The following EIF4B variants were observed in gnomAD, a reference collection of about 807,000 sequenced individuals.
EIF4B encodes the protein eukaryotic translation initiation factor 4B.
A neutral mutation model predicts 79.3 loss-of-function variants in EIF4B; 8 were observed. The ratio of observed to expected loss-of-function variants is 0.10; its 90% CI spans 0.06 to 0.18. The LOEUF is 0.18. Ranked by LOEUF, EIF4B falls within the 10% of genes least tolerant of loss-of-function variation. The pLI is 1.00. For synonymous variants in EIF4B, 238 were observed against 274.7 expected, an observed-to-expected ratio of 0.87 and a Z score of 1.32; for missense variants, 515 against 792.4, an observed-to-expected ratio of 0.65 and a Z score of 4.20.
chr12:53,028,265 C>G, intron 8 of EIF4B, 77 bp downstream of exon 8: 3 of 1,500,012 alleles, frequency 2.0e-6, no homozygotes, highest in Non-Finnish European at 2.7e-6. Context: ...GTGTTACGAA[C>G]TACTGAGTTG....
chr12:53,015,095 G>A (rs1247194073), intron 1 of EIF4B, among the ~76,000 whole-genome samples: 1 of 152,202 alleles, frequency 6.6e-6, no homozygotes, highest in Non-Finnish European at 1.5e-5. Flanking sequence ...CATATGCAGT[G>A]TTGTTATAGT....
At chr12:53,037,663 C>G in intron 11 of EIF4B, 41 bp downstream of exon 11, 1 of 1,598,772 alleles carries the variant, frequency 6.3e-7, no homozygotes. Flanking sequence ...ACTGCAGATT[C>G]TAAAATACTG....
At chr12:53,013,348 G>A (rs1368785546) in intron 1 of EIF4B, among the ~76,000 whole-genome samples, 1 of 152,144 alleles carries the variant, frequency 6.6e-6, no homozygotes, top group African/African-American at 2.4e-5. Flanking sequence ...GCCCCATGAG[G>A]GTAAGGATCT....
At chr12:53,011,654 C>T (rs1199236746) in intron 1 of EIF4B, among the ~76,000 whole-genome samples, 1 of 152,176 alleles carries the variant, frequency 6.6e-6, no homozygotes, top group Admixed American at 6.5e-5. Flanking sequence ...AAGAAGTAGG[C>T]TGTATTTATT....
chr12:53,036,278 A>G (rs1053684273), intron 10 of EIF4B, among the ~76,000 whole-genome samples: 4 of 151,784 alleles, frequency 2.6e-5, no homozygotes, highest in Admixed American at 1.3e-4. Context: ...AGGCCTGGCT[A>G]ATTTTTTGTA....
chr12:53,028,355 A>C (rs1340150595), intron 8 of EIF4B, among the ~76,000 whole-genome samples, 167 bp downstream of exon 8: 2 of 152,182 alleles, frequency 1.3e-5, no homozygotes, highest in Admixed American at 6.6e-5. Flanking sequence ...GTGTGGGCAG[A>C]TCACAAGGTC....
chr12:53,020,595 G>T (rs2120921874), intron 4 of EIF4B, among the ~76,000 whole-genome samples: 1 of 152,134 alleles, frequency 6.6e-6, no homozygotes, highest in South Asian at 2.1e-4. Context: ...GAAGAAAAAA[G>T]ACTTTTTTCC....
intron 2 of EIF4B, among the ~76,000 whole-genome samples, chr12:53,018,124 G>A (rs1943177544): frequency 6.6e-6 from 1 of 152,158 alleles, no homozygotes; most frequent in South Asian, 2.1e-4. Context: ...CCAAGTAGAT[G>A]GGATTACTGG....
rs1382380909 is a variant in EIF4B at position 53,006,545 on chromosome 12, T to A, written c.13+49T>A. Reference sequence around the variant, plus strand: ...CAAGGACTGGGCTCTGAAACCCCCCTCCGAGCGTGATCCACTGATTTCCTG... The same window carrying A: ...CAAGGACTGGGCTCTGAAACCCCCCACCGAGCGTGATCCACTGATTTCCTG... On this transcript the variant is annotated intron_variant, in intron 1 of 14. Coordinates refer to ENST00000262056, the MANE Select transcript of EIF4B (RefSeq NM_001417.7). The A allele has an allele frequency of 5.0e-6, 8 of 1,612,590 alleles. No homozygotes were observed. The African/African-American group carries it at 9.4e-5, about 19-fold the overall frequency.
At chr12:53,025,866 G>A (rs1235231254) in intron 6 of EIF4B, among the ~76,000 whole-genome samples, 1 of 152,128 alleles carries the variant, frequency 6.6e-6, no homozygotes, top group Admixed American at 6.6e-5. Context: ...CCAGCACTTT[G>A]GGAGGCGGAG....
intron 4 of EIF4B, 148 bp downstream of exon 4, chr12:53,020,174 C>T: frequency 3.3e-6 from 2 of 611,632 alleles, no homozygotes; most frequent in East Asian, 3.2e-5. Flanking sequence ...CAGTGTATCA[C>T]TTAACATCGA....
intron 4 of EIF4B, among the ~76,000 whole-genome samples, chr12:53,021,300 G>A (rs985536506): frequency 1.6e-4 from 24 of 152,088 alleles, no homozygotes; most frequent in African/African-American, 5.6e-4. Context: ...AAATGTGTTG[G>A]GTGTTTTTGT....
rs199954791 is a variant in EIF4B at position 53,027,972 on chromosome 12, T to C, written c.806-43T>C. ...TTTCAGTAACTTTGCCTTTTTTTTT[T>C]CCCCCTCCGCTGTGATGATTATAAT... is the stretch of plus-strand genomic sequence containing the variant. On this transcript the variant is annotated intron_variant, in intron 7 of 14. Transcript: ENST00000262056. 1.2e-4 allele frequency: 118 copies of C among 945,118 alleles called. No individual in the cohort carries two copies. In the Middle Eastern group the frequency reaches 1.3e-3, roughly 11 times the overall value. The allele number at this position is 945,118 out of a possible 1,614,324, so 58.5% of individuals were successfully genotyped here. A position where few individuals can be genotyped will look rare whatever the true frequency, so the allele number is the denominator to read the frequency against.
chr12:53,037,708 A>C (rs902023275), intron 11 of EIF4B, 86 bp downstream of exon 11: 34 of 1,373,412 alleles, frequency 2.5e-5, no homozygotes, highest in Admixed American at 1.3e-4. Context: ...ACGGGATGCC[A>C]GCGTTGTATA....
intron 1 of EIF4B, among the ~76,000 whole-genome samples, chr12:53,007,210 C>T (rs540491358): frequency 6.6e-6 from 1 of 152,190 alleles, no homozygotes; most frequent in Non-Finnish European, 1.5e-5. Context: ...GAGGTTGGTG[C>T]TATTGGCGTT....
At chr12:53,019,053 C>T (rs1592217733) in intron 3 of EIF4B, 47 bp downstream of exon 3, 1 of 1,578,428 alleles carries the variant, frequency 6.3e-7, no homozygotes, top group East Asian at 2.3e-5. Context: ...AGGATAATGT[C>T]TAAAAAAGAC....
At chr12:53,034,064 G>A (rs558230772) in intron 9 of EIF4B, 30 bp downstream of exon 9, 9 of 1,576,086 alleles carry the variant, frequency 5.7e-6, no homozygotes, top group Middle Eastern at 1.7e-4. Context: ...ATCCCATCTA[G>A]GAATCCGGTG....
chr12:53,024,346 C>T (rs977890478), intron 6 of EIF4B, among the ~76,000 whole-genome samples: 3 of 152,032 alleles, frequency 2.0e-5, no homozygotes, highest in African/African-American at 7.2e-5. Flanking sequence ...AAACCTGTTA[C>T]ATTAAGGGGA....
chr12:53,030,010 C>T (rs1194157155), intron 8 of EIF4B, among the ~76,000 whole-genome samples: 1 of 151,586 alleles, frequency 6.6e-6, no homozygotes, highest in Admixed American at 6.6e-5. Context: ...TCACTTGAGT[C>T]CAGGAGTTCA....
Sources: allele counts gnomAD v4.1 joint callset (sites outside exome capture counted in the v4.1 genomes callset), GRCh38; gene constraint gnomAD v4.1.1; transcripts MANE v1.5; gene names NCBI Gene and HGNC (gene_info 2026-07-23, HGNC 2026-07-21).